PDE9A: variants seen among roughly 807,000 people sequenced by gnomAD.
PDE9A encodes the protein phosphodiesterase 9A.
In PDE9A, 60 loss-of-function variants were observed where a neutral mutation model predicts 87.4. The observed-to-expected ratio is 0.69, with a 90% confidence interval of 0.56 to 0.85. PDE9A has a LOEUF of 0.85. Ranked by LOEUF, PDE9A falls within the 40% of genes least tolerant of loss-of-function variation. The pLI, the probability that PDE9A is intolerant of heterozygous loss-of-function variation, is 0.00. For synonymous variants in PDE9A, 272 were observed against 279.4 expected, an observed-to-expected ratio of 0.97 and a Z score of 0.27; for missense variants, 665 against 779.0, an observed-to-expected ratio of 0.85 and a Z score of 1.74.
chr21:42,673,146 A>G (rs1251832532), intron 1 of PDE9A, among the ~76,000 whole-genome samples: 1 of 152,164 alleles, frequency 6.6e-6, no homozygotes, highest in East Asian at 1.9e-4. Flanking sequence ...CTCGCTTTGC[A>G]GCCGAAGAAT....
At chr21:42,755,330 G>A (rs146191052) in intron 10 of PDE9A, among the ~76,000 whole-genome samples, 350 of 152,320 alleles carry the variant, frequency 2.3e-3, no homozygotes, top group African/African-American at 7.8e-3. Context: ...CTCTTTTCAT[G>A]TGCATGGTCT....
At chr21:42,670,246 CACATACATACATTCACACACAT>C (rs1569116761) in intron 1 of PDE9A, among the ~76,000 whole-genome samples, 3 of 117,448 alleles carry the variant, frequency 2.6e-5, no homozygotes, top group African/African-American at 5.2e-5. Context: ...CACACTCATA[CACATACATACATTCACACACAT>C]ATTCACACAT....
At chr21:42,717,428 T>C (rs1224498779) in intron 4 of PDE9A, among the ~76,000 whole-genome samples, 1 of 150,072 alleles carries the variant, frequency 6.7e-6, no homozygotes, top group Non-Finnish European at 1.5e-5. Context: ...GTACCTGGGA[T>C]TACAGGCGCC....
chr21:42,711,122 A>C (rs2049299420), intron 4 of PDE9A, among the ~76,000 whole-genome samples: 1 of 152,182 alleles, frequency 6.6e-6, no homozygotes, highest in African/African-American at 2.4e-5. Context: ...CATTTTTCCC[A>C]ATTTGTGATT....
chr21:42,689,424 G>C, intron 3 of PDE9A: 1 of 485,058 alleles, frequency 2.1e-6, no homozygotes, highest in Non-Finnish European at 2.7e-6. Context: ...CATCTTGTCA[G>C]CCTCAGCACC....
intron 1 of PDE9A, among the ~76,000 whole-genome samples, chr21:42,676,918 G>C (rs1000495601): frequency 1.3e-5 from 2 of 152,236 alleles, no homozygotes; most frequent in African/African-American, 4.8e-5. Context: ...AGATGCTCGA[G>C]AGGCTGAGAT....
At chr21:42,706,077 G>A (rs1302697844) in intron 4 of PDE9A, among the ~76,000 whole-genome samples, 1 of 152,208 alleles carries the variant, frequency 6.6e-6, no homozygotes, top group Non-Finnish European at 1.5e-5. Context: ...GGGCAGGCTG[G>A]CTGGCTGTGC....
At chr21:42,685,483 T>TTTTTTTTTTTTTTA (rs71190435) in intron 1 of PDE9A, among the ~76,000 whole-genome samples, 4 of 149,966 alleles carry the variant, frequency 2.7e-5, no homozygotes, top group African/African-American at 4.9e-5. Context: ...TTTTTTTTTT[T>TTTTTTTTTTTTTTA]GAGACGGAGT....
chr21:42,726,607 TATATATATATATATATA>T (rs2051085876), intron 4 of PDE9A, among the ~76,000 whole-genome samples: 1 of 22,860 alleles, frequency 4.4e-5, no homozygotes, highest in East Asian at 1.1e-3. Context: ...TATATATATA[TATATATATATATATATA>T]TTTTTTTTTT....
intron 4 of PDE9A, among the ~76,000 whole-genome samples, chr21:42,706,789 C>G (rs1267941259): frequency 1.3e-5 from 2 of 151,982 alleles, no homozygotes; most frequent in Non-Finnish European, 2.9e-5. Context: ...ATCCCCTTCA[C>G]CCCCCAGCCC....
At chr21:42,761,195 G>A (rs1056859217) in intron 13 of PDE9A, among the ~76,000 whole-genome samples, 1 of 152,240 alleles carries the variant, frequency 6.6e-6, no homozygotes, top group South Asian at 2.1e-4. Context: ...TGGCCCCGCC[G>A]GCGCCTTCTC....
At chr21:42,670,092 CAT>C (rs1019136847) in intron 1 of PDE9A, among the ~76,000 whole-genome samples, 15 of 151,976 alleles carry the variant, frequency 9.9e-5, no homozygotes, top group African/African-American at 3.1e-4. Context: ...CACACATTCT[CAT>C]ACACTCACAC....
At chr21:42,673,070 G>T (rs1021572259) in intron 1 of PDE9A, among the ~76,000 whole-genome samples, 3 of 152,194 alleles carry the variant, frequency 2.0e-5, no homozygotes, top group Admixed American at 2.0e-4. Context: ...AGTAAGTAAT[G>T]TGTAGCGGGC....
chr21:42,698,887 T>C (rs540266380), intron 3 of PDE9A, 81 bp from the exon 4 acceptor site: 2 of 818,764 alleles, frequency 2.4e-6, no homozygotes. Context: ...TTTCTAATCA[T>C]GCCGAGTGCT....
At chr21:42,672,029 C>T (rs1415408135) in intron 1 of PDE9A, among the ~76,000 whole-genome samples, 4 of 152,152 alleles carry the variant, frequency 2.6e-5, no homozygotes, top group African/African-American at 9.6e-5. Flanking sequence ...AGCTTAATAG[C>T]TTATAAAAGC....
intron 4 of PDE9A, among the ~76,000 whole-genome samples, chr21:42,714,569 CTCTACCAGTCTTTGTTGAT>C (rs1162542477): frequency 2.0e-5 from 3 of 147,688 alleles, no homozygotes; most frequent in African/African-American, 5.0e-5. Context: ...TTGGGGTTAG[CTCTACCAGTCTTTGTTGAT>C]ATGGTTGGGG....
intron 4 of PDE9A, among the ~76,000 whole-genome samples, chr21:42,712,991 C>T (rs867113610): frequency 2.6e-4 from 39 of 152,224 alleles, no homozygotes; most frequent in African/African-American, 8.2e-4. Flanking sequence ...CTTATATTTC[C>T]AGGAAATGTT....
At chr21:42,724,852 G>A (rs1396847736) in intron 4 of PDE9A, among the ~76,000 whole-genome samples, 4 of 152,248 alleles carry the variant, frequency 2.6e-5, no homozygotes, top group Admixed American at 2.6e-4. Flanking sequence ...ACAGCTGCTT[G>A]TGCTCGAAAT....
chr21:42,775,300 CG>C lies in PDE9A; in HGVS notation c.*13del, dbSNP rs751128060. On this transcript the variant is annotated 3_prime_UTR_variant, in exon 20 of 20. Transcript: ENST00000291539. ...TCCAGGAGACTGTGCCTGAGGAAAGCGGGGGGCGTGGCTGCAGTTCTGGACG... is the reference window on the plus strand; with the variant it reads ...TCCAGGAGACTGTGCCTGAGGAAAGCGGGGGCGTGGCTGCAGTTCTGGACG... 9 of 1,609,218 alleles carry C rather than the reference CG, an allele frequency of 5.6e-6. No individual in the cohort carries two copies. Among genetic ancestry groups the C allele is most frequent in the Non-Finnish European group, 6.8e-6 (8 of 1,177,878 alleles).
Sources: gnomAD v4.1 joint callset for allele counts (sites outside exome capture counted in the v4.1 genomes callset) on GRCh38, gnomAD v4.1.1 for gene constraint, MANE v1.5 for transcripts, NCBI Gene and HGNC (gene_info 2026-07-23, HGNC 2026-07-21) for gene names.